Variants in MTMR9 observed in about 807,000 individuals in gnomAD.
The protein encoded by MTMR9 is myotubularin-related protein 9.
MTMR9 carries 39 observed loss-of-function variants against 69.5 expected under a neutral mutation model. That is an observed-to-expected ratio of 0.56 (90% CI 0.43 to 0.73). The LOEUF is 0.73. MTMR9 is among the 30% of genes least tolerant of loss of function. The pLI, the probability that MTMR9 is intolerant of heterozygous loss-of-function variation, is 0.00. For missense variants in MTMR9, 900 were observed against 671.2 expected (o/e 1.34, Z -3.77); for synonymous variants, 354 against 240.8 (o/e 1.47, Z -4.35).
At chr8:11,334,378 C>T in the MTMR9 span, among the ~76,000 whole-genome samples, 29 of 151,958 alleles carry the variant, frequency 1.9e-4, no homozygotes, top group Admixed American at 1.0e-3. Flanking sequence ...TAACAAAGGG[C>T]GTGGGACAGA....
intron 1 of MTMR9, among the ~76,000 whole-genome samples, chr8:11,285,934 CTCTT>C (rs1317626743): frequency 2.0e-5 from 3 of 148,146 alleles, no homozygotes; most frequent in African/African-American, 5.0e-5. Context: ...AAATAATAAT[CTCTT>C]TCTTTCTTTC....
chr8:11,322,787 G>A lies in MTMR9; in HGVS notation c.1649G>A (p.Ter550=). The A allele has an allele frequency of 6.2e-7, 1 of 1,613,618 alleles. No individual in the cohort carries two copies. The change falls in exon 10 of 10, where the codon TGA becomes TAA. Residue 550 remains the stop codon, a stop_retained_variant. Coordinates refer to ENST00000221086, the MANE Select transcript of MTMR9 (RefSeq NM_015458.4). ...GAGGACGGGATGCAGGAGAGTCCCT[G>A]AAAGGTCTCCTCGCACCCTTCGCAA... ...ETEDGMQESP[*] is the part of the protein sequence containing the mutation.
chr8:11,297,773 C>G (rs916905211), intron 2 of MTMR9: 3 of 439,156 alleles, frequency 6.8e-6, no homozygotes, highest in Admixed American at 4.9e-5. Flanking sequence ...TATAAAAGCC[C>G]TTAGGACTGA....
chr8:11,303,595 G>A (rs1038982609), intron 3 of MTMR9, among the ~76,000 whole-genome samples: 3 of 151,968 alleles, frequency 2.0e-5, no homozygotes, highest in Admixed American at 6.6e-5. Context: ...GTGCAGTGGC[G>A]CTGTCACAGC....
At chr8:11,305,055 G>T in intron 4 of MTMR9, 41 bp downstream of exon 4, 2 of 1,580,642 alleles carry the variant, frequency 1.3e-6, no homozygotes, top group Non-Finnish European at 1.7e-6. Context: ...TGAAAGGCTT[G>T]GGTTGGGGAT....
chr8:11,322,650 C>T lies in MTMR9; in HGVS notation c.1512C>T (p.Ser504=). Residue 504 remains serine (S), a synonymous_variant, in exon 10 of 10, where the codon TCC becomes TCT. Coordinates refer to ENST00000221086, the MANE Select transcript of MTMR9 (RefSeq NM_015458.4). ...GTATTTTCCTACGTTGGAATAGATCCTCTAAGTATTTGGATGAAGCATATG... is the reference window on the plus strand; with the variant it reads ...GTATTTTCCTACGTTGGAATAGATCTTCTAAGTATTTGGATGAAGCATATG... ...WEGIFLRWNR[S]SKYLDEAYEE... 3 of 1,613,630 alleles carry T rather than the reference C, an allele frequency of 1.9e-6. No homozygotes were observed. The highest frequency in any genetic ancestry group is 2.2e-5 in the East Asian group (1 of 44,866).
intron 3 of MTMR9, 43 bp from the exon 4 acceptor site, chr8:11,304,798 A>C: frequency 6.3e-7 from 1 of 1,590,608 alleles, no homozygotes; most frequent in African/African-American, 1.4e-5. Context: ...ATTTTGCGAC[A>C]TTGAGATAGT....
At position 11,316,871 on chromosome 8, in the gene MTMR9, C is replaced by T. The variant is rs766849776; in HGVS notation, c.1312C>T (p.Leu438=). The T allele has an allele frequency of 6.2e-7, 1 of 1,604,418 alleles. No individual in the cohort carries two copies. The highest frequency in any genetic ancestry group is 8.5e-7 in the Non-Finnish European group (1 of 1,175,654). ...TTATGCCTCACAGTTTGGAACATTT[C>T]TGGGCAACAATGAAAGTGAAAGGTG... The part of the protein sequence containing the change: ...HAYASQFGTF[L]GNNESERCKL... Residue 438 remains leucine (L), a synonymous_variant, in exon 8 of 10, where the codon CTG becomes TTG. Coordinates refer to ENST00000221086, the MANE Select transcript of MTMR9 (RefSeq NM_015458.4).
rs190842021 is a variant in MTMR9 at position 11,322,611 on chromosome 8, C to A, written c.1487-14C>A. The A allele has an allele frequency of 1.9e-6, 3 of 1,610,852 alleles. No individual in the cohort carries two copies. The South Asian group carries it at 3.3e-5, about 18-fold the overall frequency. On this transcript the variant is annotated splice_polypyrimidine_tract_variant and intron_variant, in intron 9 of 9. Coordinates refer to ENST00000221086, the MANE Select transcript of MTMR9 (RefSeq NM_015458.4). The stretch of plus-strand genomic sequence containing the variant: ...ACCTTTCTTGCTTCTGTTTTCCATT[C>A]CTGGATTCAATAGGTATTTTCCTAC...
chr8:11,331,587 G>A, downstream of MTMR9: 1 of 1,612,528 alleles, frequency 6.2e-7, no homozygotes, highest in Non-Finnish European at 8.5e-7. Flanking sequence ...CGAGTGGTGT[G>A]GACTGTTGGG....
chr8:11,318,619 T>C lies in MTMR9; in HGVS notation c.1335-1068T>C, dbSNP rs984976954. The C allele has an allele frequency of 2.0e-5, 3 of 152,342 alleles. No individual in the cohort carries two copies. The East Asian group carries it at 5.8e-4, about 29-fold the overall frequency. The allele number at this position is 152,342 out of a possible 1,614,324, so 9.4% of individuals were successfully genotyped here. ...GACTGTCTTTCAATCTGTGTTAAAA[T>C]GTATTTTTTTCTAAAACATGCCGAT... is the stretch of plus-strand genomic sequence containing the variant. On this transcript the variant is annotated intron_variant, in intron 8 of 9. Transcript: ENST00000221086.
intron 5 of MTMR9, 133 bp downstream of exon 5, chr8:11,306,540 C>G: frequency 5.2e-6 from 4 of 769,020 alleles, no homozygotes; most frequent in Non-Finnish European, 8.2e-6. Context: ...GGCTAGCCAT[C>G]TTCTCATTTT....
chr8:11,331,065 A>G, downstream of MTMR9: 1 of 1,555,660 alleles, frequency 6.4e-7, no homozygotes, highest in Non-Finnish European at 8.7e-7. Context: ...TGAGGGGCCC[A>G]GGCTCCCTGA....
chr8:11,329,968 CCTGT>C (rs1283206875), downstream of MTMR9, among the ~76,000 whole-genome samples: 3 of 151,732 alleles, frequency 2.0e-5, no homozygotes, highest in South Asian at 2.1e-4. Context: ...GCCCGGCCGC[CCTGT>C]CTGAGAAGTG....
At chr8:11,291,678 C>T (rs1799385032) in intron 1 of MTMR9, among the ~76,000 whole-genome samples, 1 of 152,058 alleles carries the variant, frequency 6.6e-6, no homozygotes, top group Non-Finnish European at 1.5e-5. Context: ...ATTCATTATA[C>T]TTTATAGCAA....
chr8:11,289,287 A>G (rs2117351288), intron 1 of MTMR9, among the ~76,000 whole-genome samples: 1 of 152,368 alleles, frequency 6.6e-6, no homozygotes, highest in South Asian at 2.1e-4. Flanking sequence ...AAATGAGGTG[A>G]GAAAGTCATT....
At chr8:11,331,786 G>A (rs755824962), downstream of MTMR9, 1 of 1,611,674 alleles carries the variant, frequency 6.2e-7, no homozygotes, top group Admixed American at 1.7e-5. Flanking sequence ...TTCCTATCTG[G>A]CTTGGTGGGG....
chr8:11,300,287 T>G (rs937351243), intron 3 of MTMR9, 139 bp downstream of exon 3: 1 of 912,096 alleles, frequency 1.1e-6, no homozygotes, highest in African/African-American at 1.7e-5. Context: ...TTTAAAAGGA[T>G]TGAAGCCATG....
chr8:11,291,960 G>C (rs1169130790), intron 1 of MTMR9, among the ~76,000 whole-genome samples: 1 of 152,078 alleles, frequency 6.6e-6, no homozygotes, highest in Non-Finnish European at 1.5e-5. Context: ...GTTGATATAT[G>C]TACACACCCT....
Sources: gnomAD v4.1 joint callset for allele counts (sites outside exome capture counted in the v4.1 genomes callset) on GRCh38, gnomAD v4.1.1 for gene constraint, MANE v1.5 for transcripts, NCBI Gene and HGNC (gene_info 2026-07-23, HGNC 2026-07-21) for gene names.